KBTBD12: variants seen among roughly 807,000 people sequenced by gnomAD.
KBTBD12 encodes the protein kelch repeat and BTB domain containing 12.
KBTBD12 carries 53 observed loss-of-function variants against 58.7 expected under a neutral mutation model. The ratio of observed to expected loss-of-function variants is 0.90; its 90% CI spans 0.72 to 1.14. The LOEUF (loss-of-function observed/expected upper bound fraction) is 1.14. Ranked by LOEUF, KBTBD12 falls within the 50% of genes most tolerant of loss-of-function variation. KBTBD12 has a pLI of 0.00. For synonymous variants in KBTBD12, 236 were observed against 259.8 expected (o/e 0.91, Z 0.88); for missense variants, 704 against 751.3 (o/e 0.94, Z 0.74).
intron 5 of KBTBD12, among the ~76,000 whole-genome samples, chr3:127,968,152 A>G (rs915337999): frequency 7.2e-5 from 11 of 152,242 alleles, no homozygotes; most frequent in Non-Finnish European, 1.3e-4. Context: ...TACTATTGCT[A>G]TAACACTGTC....
At chr3:127,971,467 C>T (rs561498175) in intron 5 of KBTBD12, among the ~76,000 whole-genome samples, 1 of 152,320 alleles carries the variant, frequency 6.6e-6, no homozygotes, top group Non-Finnish European at 1.5e-5. Flanking sequence ...CACTTTGGCT[C>T]TTGTTCCAGC....
chr3:127,966,532 A>G (rs1411387518), intron 5 of KBTBD12, among the ~76,000 whole-genome samples: 1 of 152,252 alleles, frequency 6.6e-6, no homozygotes, highest in Non-Finnish European at 1.5e-5. Context: ...AATTAAATCT[A>G]CAATGGAAAA....
At chr3:127,968,324 T>C (rs1166467813) in intron 5 of KBTBD12, among the ~76,000 whole-genome samples, 2 of 152,138 alleles carry the variant, frequency 1.3e-5, no homozygotes, top group Non-Finnish European at 2.9e-5. Flanking sequence ...GGAGCCAGTA[T>C]TGTGTTTCAA....
intron 5 of KBTBD12, among the ~76,000 whole-genome samples, chr3:127,966,447 G>A (rs1940571948): frequency 1.3e-5 from 2 of 152,198 alleles, no homozygotes; most frequent in Admixed American, 1.3e-4. Flanking sequence ...TCAGAGAGAT[G>A]AGAGAAAATA....
intron 4 of KBTBD12, among the ~76,000 whole-genome samples, chr3:127,950,176 T>C (rs1309791942): frequency 6.6e-6 from 1 of 152,162 alleles, no homozygotes; most frequent in African/African-American, 2.4e-5. Flanking sequence ...AAAATAAAAT[T>C]ACAAAACATG....
At chr3:127,918,244 G>T (rs547001855) in intron 1 of KBTBD12, among the ~76,000 whole-genome samples, 1 of 152,306 alleles carries the variant, frequency 6.6e-6, no homozygotes, top group South Asian at 2.1e-4. Context: ...GCAAGCATCT[G>T]CAAAAGTGAA....
chr3:127,976,427 G>A (rs137891823), intron 5 of KBTBD12, among the ~76,000 whole-genome samples: 64 of 152,030 alleles, frequency 4.2e-4, no homozygotes, highest in Admixed American at 5.9e-4. Context: ...CAATTTCCCC[G>A]TTTTAGAATA....
chr3:127,963,164 C>T (rs369956823), intron 4 of KBTBD12, 25 bp from the exon 5 acceptor site: 1 of 1,562,092 alleles, frequency 6.4e-7, no homozygotes, highest in Non-Finnish European at 8.7e-7. Flanking sequence ...CTGATCCTCT[C>T]ATTTCTCCAC....
At position 127,963,244 on chromosome 3, in the gene KBTBD12, G is replaced by T; in HGVS notation, c.1548G>T (p.Val516=). Residue 516 remains valine (V), a synonymous_variant, in exon 5 of 6, where the codon GTG becomes GTT. Transcript: ENST00000405109. ...DKGQVRKCLD[V]VEIYNPDGDF... ...GCCAGGTTCGAAAATGCCTTGACGT[G>T]GTGGAGATCTACAACCCAGATGGGG... The T allele has an allele frequency of 1.2e-6, 2 of 1,612,750 alleles. No individual in the cohort carries two copies. Among genetic ancestry groups the T allele is most frequent in the Non-Finnish European group, 1.7e-6 (2 of 1,179,518 alleles).
intron 4 of KBTBD12, among the ~76,000 whole-genome samples, chr3:127,957,183 G>A (rs1193606624): frequency 6.6e-6 from 1 of 152,130 alleles, no homozygotes; most frequent in Non-Finnish European, 1.5e-5. Context: ...ATATGGAAAT[G>A]AGCACAAACT....
intron 2 of KBTBD12, among the ~76,000 whole-genome samples, chr3:127,926,859 C>T (rs556931063): frequency 6.6e-6 from 1 of 152,082 alleles, no homozygotes; most frequent in East Asian, 1.9e-4. Context: ...TCTGGATTTT[C>T]TGGGACATTT....
intron 1 of KBTBD12, among the ~76,000 whole-genome samples, chr3:127,917,329 G>A (rs1476391509): frequency 1.3e-5 from 2 of 152,198 alleles, no homozygotes; most frequent in African/African-American, 4.8e-5. Context: ...TTACTATAAA[G>A]GATATTAACA....
intron 1 of KBTBD12, among the ~76,000 whole-genome samples, chr3:127,917,493 C>T (rs1939278388): frequency 1.3e-5 from 2 of 152,168 alleles, no homozygotes; most frequent in South Asian, 4.1e-4. Flanking sequence ...ATTACATAGG[C>T]ATGCTTGATT....
At position 127,929,573 on chromosome 3, in the gene KBTBD12, A is replaced by C. The variant is rs1429074827; in HGVS notation, c.1342-560A>C. ...AAAATAAGTATGTTAAAATAACTGC[A>C]AATAATTTATATTAGTCAATAAATC... On this transcript the variant is annotated intron_variant, in intron 3 of 5. Coordinates refer to ENST00000405109, the MANE Select transcript of KBTBD12 (RefSeq NM_207335.4). Among the ~76,000 whole-genome samples the C allele has an allele frequency of 2.0e-5, 3 of 152,188 alleles. No homozygotes were observed. In the East Asian group the frequency reaches 5.8e-4, roughly 29 times the overall value.
rs1307450782 is a variant in KBTBD12 at position 127,986,914 on chromosome 3, A to G, written c.*2636A>G. The G allele has an allele frequency of 1.3e-5, 2 of 152,310 alleles. No homozygotes were observed. Among genetic ancestry groups the G allele is most frequent in the African/African-American group, 4.8e-5 (2 of 41,462 alleles). 9.4% of individuals were successfully genotyped at this position (152,310 alleles called of 1,614,324 possible). On this transcript the variant is annotated 3_prime_UTR_variant, in exon 6 of 6. Coordinates refer to ENST00000405109, the MANE Select transcript of KBTBD12 (RefSeq NM_207335.4). Reference sequence around the variant, plus strand: ...ATGGACACATTCAGGACCCTGTGGCAGCTCAGCAGAGGCACCTGAGGGTCA... The same window carrying G: ...ATGGACACATTCAGGACCCTGTGGCGGCTCAGCAGAGGCACCTGAGGGTCA...
At chr3:127,975,352 G>A (rs1037358438) in intron 5 of KBTBD12, among the ~76,000 whole-genome samples, 4 of 152,182 alleles carry the variant, frequency 2.6e-5, no homozygotes, top group African/African-American at 9.7e-5. Flanking sequence ...AGCCTGTTCT[G>A]GAACAGGGAT....
At chr3:127,976,611 G>T (rs1385884866) in intron 5 of KBTBD12, among the ~76,000 whole-genome samples, 1 of 152,180 alleles carries the variant, frequency 6.6e-6, no homozygotes, top group Non-Finnish European at 1.5e-5. Context: ...ACCTAGTCAA[G>T]ATATGGTCTA....
chr3:127,980,479 G>A (rs531956355), intron 5 of KBTBD12, among the ~76,000 whole-genome samples: 48 of 152,248 alleles, frequency 3.2e-4, no homozygotes, highest in African/African-American at 1.1e-3. Context: ...ACAGGTGGGC[G>A]CTACCACGCC....
intron 4 of KBTBD12, among the ~76,000 whole-genome samples, chr3:127,950,153 G>T (rs1940173335): frequency 6.6e-6 from 1 of 152,088 alleles, no homozygotes; most frequent in Non-Finnish European, 1.5e-5. Flanking sequence ...AGTAATATTT[G>T]CAATATACAT....
Sources: allele counts gnomAD v4.1 joint callset (sites outside exome capture counted in the v4.1 genomes callset), GRCh38; gene constraint gnomAD v4.1.1; transcripts MANE v1.5; gene names NCBI Gene and HGNC (gene_info 2026-07-23, HGNC 2026-07-21).